Variants in GRTP1 observed in about 807,000 individuals in gnomAD.
GRTP1 encodes the protein growth hormone-regulated TBC protein 1.
GRTP1 carries 56 observed loss-of-function variants against 38.1 expected under a neutral mutation model. The ratio of observed to expected loss-of-function variants is 1.47; its 90% CI spans 1.19 to 1.84. The LOEUF is 1.84. GRTP1 is among the 40% of genes most tolerant of loss of function. The probability of loss-of-function intolerance (pLI) is 0.00; values close to 1 mark genes in which losing one functional copy is unlikely to be tolerated. For synonymous variants in GRTP1, 217 were observed against 189.5 expected, an observed-to-expected ratio of 1.14 and a Z score of -1.19; for missense variants, 506 against 453.9, an observed-to-expected ratio of 1.11 and a Z score of -1.04.
rs987648436 is a variant in GRTP1 at position 113,348,397 on chromosome 13, G to A, written c.465+2452C>T. On this transcript the variant is annotated intron_variant, in intron 4 of 7. Transcript: ENST00000375431. This position sits in a 1 kb window ranked among gnomAD's most constrained non-coding sequence, Gnocchi z 4.8. ...GCAAAGGAGGTTGAGGCTGCAGTGA[G>A]CCGAGATCACGCCACTGCACTCCAG... Among the ~76,000 whole-genome samples, 1 of 152,180 alleles carries A rather than the reference G, an allele frequency of 6.6e-6. No homozygotes were observed. The highest frequency in any genetic ancestry group is 1.9e-4 in the East Asian group (1 of 5,186).
At chr13:113,363,967 G>T in intron 1 of GRTP1, 53 bp downstream of exon 1, 2 of 1,558,250 alleles carry the variant, frequency 1.3e-6, no homozygotes, top group Non-Finnish European at 8.7e-7. Flanking sequence ...GGGGGTCGCG[G>T]GCCCGCGCGG....
At chr13:113,334,268 T>TGCTACGACCGCCTCCCGCCCACCCC (rs2042923166) in intron 5 of GRTP1, among the ~76,000 whole-genome samples, 2 of 26,436 alleles carry the variant, frequency 7.6e-5, no homozygotes, top group Non-Finnish European at 3.3e-4. Flanking sequence ...GTCCCCACCC[T>TGCTACGACCGCCTCCCGCCCACCCC]GCACTGCCAC....
At chr13:113,356,114 T>C (rs770656005) in intron 2 of GRTP1, among the ~76,000 whole-genome samples, 8 of 152,142 alleles carry the variant, frequency 5.3e-5, no homozygotes, top group Non-Finnish European at 1.0e-4. Flanking sequence ...CTTAGGCAGA[T>C]GGAAAAGGTA....
chr13:113,340,758 C>G (rs956763135), intron 5 of GRTP1, among the ~76,000 whole-genome samples: 1 of 151,582 alleles, frequency 6.6e-6, no homozygotes, highest in Admixed American at 6.6e-5. Context: ...CCAGCCTGGG[C>G]GACAGAGTGA....
intron 2 of GRTP1, among the ~76,000 whole-genome samples, chr13:113,360,448 G>C (rs9549400): frequency 0.99 from 151,006 of 152,306 alleles, 74,868 homozygotes; most frequent in Middle Eastern, 1. Flanking sequence ...CCTCCAAAAG[G>C]AGAGGAAAGA....
At position 113,364,117 on chromosome 13, in the gene GRTP1, G is replaced by C; in HGVS notation, c.-66C>G. The stretch of plus-strand genomic sequence containing the variant: ...CAAGTTCGCCTCCCGGCTCCGGGGC[G>C]CTTAAGTCCTTCCGGCGGGACCGCG... On this transcript the variant is annotated 5_prime_UTR_variant, in exon 1 of 8. Transcript: ENST00000375431. 8.4e-7 allele frequency: 1 copy of C among 1,186,006 alleles called. No individual in the cohort carries two copies. The highest frequency in any genetic ancestry group is 1.0e-6 in the Non-Finnish European group (1 of 965,490). The allele number at this position is 1,186,006 out of a possible 1,614,324, so 73.5% of individuals were successfully genotyped here.
intron 5 of GRTP1, among the ~76,000 whole-genome samples, chr13:113,331,630 G>C (rs1290954081): frequency 6.7e-6 from 1 of 148,228 alleles, no homozygotes. Context: ...TGCAAGGCTG[G>C]TTTTGCTGTT....
In GRTP1 at chr13:113,344,298, G is replaced by C. The variant is rs569723752; in HGVS notation, c.562+565C>G. On this transcript the variant is annotated intron_variant, in intron 5 of 7. Transcript: ENST00000375431. ...ACCACACAGCCCCAGCTGCCCACAA[G>C]GGCTAAGAGACGGCAAAAGGCCCTC... Among the ~76,000 whole-genome samples the C allele has an allele frequency of 5.3e-5, 8 of 152,332 alleles. No homozygotes were observed. In the South Asian group the frequency reaches 1.5e-3, roughly 28 times the overall value.
intron 2 of GRTP1, among the ~76,000 whole-genome samples, chr13:113,358,319 CAAAT>C (rs1387961670): frequency 6.6e-6 from 1 of 152,130 alleles, no homozygotes; most frequent in Non-Finnish European, 1.5e-5. Context: ...CAAAAGCAAT[CAAAT>C]AAGACTGAAA....
Position 113,324,540 on chromosome 13 carries a change from G to A in GRTP1, c.959C>T (p.Thr320Ile). The A allele has an allele frequency of 6.2e-7, 1 of 1,611,996 alleles. No homozygotes were observed. Among genetic ancestry groups the A allele is most frequent in the Non-Finnish European group, 8.5e-7 (1 of 1,179,228 alleles). Residue 320 changes from threonine (T) to isoleucine (I), a missense_variant, in exon 8 of 8, where the codon ACC becomes ATC. Physicochemically the swap from Thr to Ile is moderately conservative, Grantham distance 89. Transcript: ENST00000375431. ...GCAGCTCTCGCGGAGCTTGGCGACG[G>A]TGGCCATGGATAAGCTTCCAGGTTC... ...FSEPGSLSMA[T>I]VAKLRESCRA...
At position 113,363,783 on chromosome 13, in the gene GRTP1, C is replaced by G. The variant is rs1216475293; in HGVS notation, c.160G>C (p.Gly54Arg). ...IKWSRLLQGG[G>R]VPRSRTVKRY... Reference sequence around the variant, plus strand: ...CCACCTGTCCGGCTCCTGGGGACGCCCCCGCCCTGCAGCAGCCGGGACCAT... The same window carrying G: ...CCACCTGTCCGGCTCCTGGGGACGCGCCCGCCCTGCAGCAGCCGGGACCAT... The change falls in exon 2 of 8, where the codon GGC becomes CGC. Residue 54 changes from glycine to arginine, a missense_variant. Coordinates refer to ENST00000375431, the MANE Select transcript of GRTP1 (RefSeq NM_024719.4). 3 of 1,602,828 alleles carry G rather than the reference C, an allele frequency of 1.9e-6. No homozygotes were observed. The East Asian group carries it at 6.7e-5, about 36-fold the overall frequency.
At chr13:113,325,338 T>C in intron 7 of GRTP1, 1 of 1,407,640 alleles carries the variant, frequency 7.1e-7, no homozygotes, top group Non-Finnish European at 9.2e-7. Flanking sequence ...CTATACGGCC[T>C]GCGCCAGGTC....
intron 7 of GRTP1, 182 bp from the exon 8 acceptor site, chr13:113,324,759 T>C: frequency 7.3e-7 from 1 of 1,362,934 alleles, no homozygotes; most frequent in Admixed American, 3.6e-5. Flanking sequence ...GGCCTAGGAC[T>C]GCAGCTTTGC....
At chr13:113,352,136 G>A (rs777948997) in intron 3 of GRTP1, among the ~76,000 whole-genome samples, 25 of 148,866 alleles carry the variant, frequency 1.7e-4, no homozygotes, top group Non-Finnish European at 3.5e-4. Context: ...CCAAAAAATG[G>A]AATCAGTCAA....
chr13:113,346,240 G>A (rs1361215254), intron 4 of GRTP1, among the ~76,000 whole-genome samples: 8 of 135,442 alleles, frequency 5.9e-5, no homozygotes, highest in African/African-American at 8.6e-5. Context: ...AGACCCGGGA[G>A]GACCTCTGTG....
At chr13:113,358,712 C>T (rs971043173) in intron 2 of GRTP1, among the ~76,000 whole-genome samples, 7 of 152,122 alleles carry the variant, frequency 4.6e-5, no homozygotes, top group African/African-American at 1.7e-4. Context: ...TTAATGCACA[C>T]AGAATAGTCC....
rs1215796422 is a variant in GRTP1 at position 113,355,231 on chromosome 13, T to C, written c.340+92A>G. ...AAGTTAAAAGCAGCAGGCGCACCGC[T>C]CACCCCTGGACGCTGAGGCTAGACA... On this transcript the variant is annotated intron_variant, in intron 3 of 7. Transcript: ENST00000375431. The C allele has an allele frequency of 4.5e-6, 6 of 1,319,450 alleles. No individual in the cohort carries two copies. The East Asian group carries it at 1.4e-4, about 31-fold the overall frequency. 81.7% of individuals were successfully genotyped at this position (1,319,450 alleles called of 1,614,324 possible).
Position 113,355,443 on chromosome 13 carries a change from G to T in GRTP1, c.220C>A (p.Arg74Ser), listed in dbSNP as rs201894052. 7.4e-6 allele frequency: 12 copies of T among 1,613,728 alleles called. No individual in the cohort carries two copies. The highest frequency in any genetic ancestry group is 7.6e-6 in the Non-Finnish European group (9 of 1,179,812). ...YVRKGVPLEH[R>S]ARVWMVLSGA... The stretch of plus-strand genomic sequence containing the variant: ...CTCAGCACCATCCAGACGCGGGCAC[G>T]GTGCTCCAGCGGGACCCCTTTCCGG... Residue 74 changes from arginine (R) to serine (S), a missense_variant, in exon 3 of 8, where the codon CGT becomes AGT. Arg to Ser is a moderately radical substitution (Grantham distance 110). Coordinates refer to ENST00000375431, the MANE Select transcript of GRTP1 (RefSeq NM_024719.4).
intron 2 of GRTP1, among the ~76,000 whole-genome samples, chr13:113,360,776 G>T (rs528071778): frequency 2.5e-3 from 387 of 152,310 alleles, no homozygotes; most frequent in Admixed American, 4.1e-3. Context: ...ACCCATTTAT[G>T]CCAGTGATGC....
Sources: gnomAD v4.1 joint callset for allele counts (sites outside exome capture counted in the v4.1 genomes callset) on GRCh38, gnomAD v4.1.1 for gene constraint, Gnocchi (gnomAD v3.1) non-coding constraint, MANE v1.5 for transcripts, NCBI Gene and HGNC (gene_info 2026-07-23, HGNC 2026-07-21) for gene names.